HTR3E: variants seen among roughly 807,000 people sequenced by gnomAD.
HTR3E encodes 5-hydroxytryptamine receptor 3E, also known as 5-hydroxytryptamine (serotonin) receptor 3, family member E.
HTR3E carries 38 observed loss-of-function variants against 38.0 expected under a neutral mutation model. That is an observed-to-expected ratio of 1.00 (90% confidence interval 0.77 to 1.31). The LOEUF (loss-of-function observed/expected upper bound fraction) is 1.31, where lower values mean the gene tolerates loss of function less well. Among genes scored for constraint, HTR3E ranks in the 50% most tolerant of loss-of-function variants. The pLI is 0.00. For synonymous variants in HTR3E, 210 were observed against 232.9 expected (o/e 0.90, Z 0.89); for missense variants, 547 against 585.2 (o/e 0.93, Z 0.67).
chr3:184,106,349 G>A lies in HTR3E; in HGVS notation c.1141+6G>A. ...CACCCCCACCCACCTGCCCGGTGAG[G>A]GAAGTCACATTCCTCTTCCCCCACC... is the stretch of plus-strand genomic sequence containing the variant. On this transcript the variant is annotated splice_donor_region_variant and intron_variant, in intron 8 of 8. Transcript: ENST00000415389. The surrounding 1 kb of genome is among the most constrained non-coding windows in gnomAD (Gnocchi z 4.1). The A allele has an allele frequency of 1.9e-6, 3 of 1,604,726 alleles. No individual in the cohort carries two copies. Among genetic ancestry groups the A allele is most frequent in the African/African-American group, 1.3e-5 (1 of 74,654 alleles).
intron 1 of HTR3E, chr3:184,100,223 A>T: frequency 1.4e-6 from 2 of 1,393,158 alleles, no homozygotes; most frequent in Non-Finnish European, 1.9e-6. Flanking sequence ...TGACTGTAGG[A>T]AGTTACTTCC....
In HTR3E at chr3:184,106,920, T is replaced by C; in HGVS notation, c.*227T>C. 1.7e-6 allele frequency: 1 copy of C among 579,652 alleles called. No homozygotes were observed. Among genetic ancestry groups the C allele is most frequent in the South Asian group, 2.2e-5 (1 of 45,300 alleles). The allele number at this position is 579,652 out of a possible 1,614,324, so 35.9% of individuals were successfully genotyped here. A position where few individuals can be genotyped will look rare whatever the true frequency, so the allele number is the denominator to read the frequency against. On this transcript the variant is annotated 3_prime_UTR_variant, in exon 9 of 9. Coordinates refer to ENST00000415389, the MANE Select transcript of HTR3E (RefSeq NM_001256613.2). The surrounding 1 kb of genome is among the most constrained non-coding windows in gnomAD (Gnocchi z 4.1). ...TTCAGTCCTACCATATGGTTCTAGG[T>C]CCCTCTTACGTCATCTGCATAGCAG...
rs1380416362 is a variant in HTR3E, at chr3:184,097,267, A to T, written c.-263A>T. On this transcript the variant is annotated 5_prime_UTR_variant, in exon 1 of 9. The change creates a new upstream start codon in the 5' untranslated region. Coordinates refer to ENST00000415389, the MANE Select transcript of HTR3E (RefSeq NM_001256613.2). ...CCAAGGGATCTCACCAAGATCTGCA[A>T]GTTGATCACGTATGAACTATCTATA... 6.9e-6 allele frequency: 2 copies of T among 291,514 alleles called. No homozygotes were observed. The highest frequency in any genetic ancestry group is 4.9e-5 in the Admixed American group (1 of 20,588). The allele number at this position is 291,514 out of a possible 1,614,324, so 18.1% of individuals were successfully genotyped here.
intron 2 of HTR3E, 101 bp from the exon 3 acceptor site, chr3:184,101,384 C>A: frequency 1.0e-6 from 1 of 973,222 alleles, no homozygotes; most frequent in South Asian, 1.3e-5. Flanking sequence ...CACATATCCC[C>A]TTTATATACC....
chr3:184,104,407 G>T, intron 4 of HTR3E, 116 bp downstream of exon 4: 1 of 1,464,456 alleles, frequency 6.8e-7, no homozygotes, highest in African/African-American at 1.4e-5. Context: ...CAACCAGAGA[G>T]ATAAGAAGAG....
chr3:184,105,271 C>A lies in HTR3E; in HGVS notation c.564C>A (p.Asp188Glu). Residue 188 changes from aspartate to glutamate, a missense_variant, in exon 6 of 9, where the codon GAC becomes GAA. Asp to Glu is a conservative substitution (Grantham distance 45). Coordinates refer to ENST00000415389, the MANE Select transcript of HTR3E (RefSeq NM_001256613.2). ...LTFSSFLYTV[D>E]SMLLDMEKEV... is the part of the protein sequence containing the mutation. ...TCAGATGGTTCTCATTTTCAGTGGA[C>A]AGCATGTTGCTGGACATGGAGAAAG... 6.2e-7 allele frequency: 1 copy of A among 1,609,698 alleles called. No individual in the cohort carries two copies. Among genetic ancestry groups the A allele is most frequent in the Non-Finnish European group, 8.5e-7 (1 of 1,178,452 alleles).
intron 5 of HTR3E, 74 bp downstream of exon 5, chr3:184,105,030 G>A: frequency 1.4e-6 from 2 of 1,440,300 alleles, no homozygotes; most frequent in Non-Finnish European, 9.5e-7. Context: ...ATGAGTAAAT[G>A]GTGACCAAGG....
intron 1 of HTR3E, among the ~76,000 whole-genome samples, 162 bp downstream of exon 1, chr3:184,097,758 T>C (rs1711741508): frequency 6.6e-6 from 1 of 152,192 alleles, no homozygotes; most frequent in Non-Finnish European, 1.5e-5. Flanking sequence ...ACTTTCCTTT[T>C]CTGAAAGACG....
chr3:184,105,970 G>A lies in HTR3E; in HGVS notation c.925+1G>A, dbSNP rs767728688. ...CCCACCAGTGGCACCCCCCTCATCG[G>A]TATGGCTCCTCCCACCTTTTGGAAG... On this transcript the variant is annotated splice_donor_variant, in intron 7 of 8. Transcript: ENST00000415389. LOFTEE classifies it high-confidence loss of function. The A allele has an allele frequency of 2.5e-6, 4 of 1,613,978 alleles. No individual in the cohort carries two copies. Among genetic ancestry groups the A allele is most frequent in the East Asian group, 4.5e-5 (2 of 44,886 alleles).
intron 1 of HTR3E, among the ~76,000 whole-genome samples, chr3:184,099,707 C>A (rs147759318): frequency 1.5e-3 from 160 of 107,570 alleles, no homozygotes; most frequent in African/African-American, 6.8e-3. Context: ...GGCGACAGAG[C>A]GAGACTCCGT....
At chr3:184,101,616 CT>C in intron 3 of HTR3E, 87 bp downstream of exon 3, 1 of 1,125,158 alleles carries the variant, frequency 8.9e-7, no homozygotes, top group Non-Finnish European at 1.4e-6. Flanking sequence ...TTTTATGTCC[CT>C]AACATTGGTT....
In HTR3E at chr3:184,097,484, T is replaced by C. The variant is rs139988027; in HGVS notation, c.-46T>C. 4 of 1,432,480 alleles carry C rather than the reference T, an allele frequency of 2.8e-6. No homozygotes were observed. The highest frequency in any genetic ancestry group is 3.8e-6 in the Non-Finnish European group (4 of 1,052,744). The allele number at this position is 1,432,480 out of a possible 1,614,324, so 88.7% of individuals were successfully genotyped here. On this transcript the variant is annotated 5_prime_UTR_variant, in exon 1 of 9. Transcript: ENST00000415389. ...GGCCTGTGCTGCTTTAATCTGGGCA[T>C]TCCTGGGTCCCAGTACATGTTCAGA...
Position 184,100,630 on chromosome 3 carries a change from G to T in HTR3E, c.213G>T (p.Ala71=). The change falls in exon 2 of 9, where the codon GCG becomes GCT. Residue 71 remains alanine (A), a synonymous_variant. Transcript: ENST00000415389. The part of the protein sequence containing the change: ...SVPTQVNISF[A]MSAILDVNEQ... ...CCACCCAAGTCAACATCTCCTTCGC[G>T]ATGTCTGCCATCCTAGATGTGGTGA... The T allele has an allele frequency of 6.2e-7, 1 of 1,613,894 alleles. No homozygotes were observed. Among genetic ancestry groups the T allele is most frequent in the East Asian group, 2.2e-5 (1 of 44,846 alleles).
Sources: gnomAD v4.1 joint callset for allele counts (sites outside exome capture counted in the v4.1 genomes callset) on GRCh38, gnomAD v4.1.1 for gene constraint, Gnocchi (gnomAD v3.1) non-coding constraint, MANE v1.5 for transcripts, NCBI Gene and HGNC (gene_info 2026-07-23, HGNC 2026-07-21) for gene names.